ARL8B: variants seen among roughly 807,000 people sequenced by gnomAD.
The protein encoded by ARL8B is ARF like GTPase 8B, also known as ADP-ribosylation factor-like protein 8B.
A neutral mutation model predicts 30.6 loss-of-function variants in ARL8B; 9 were observed. That is an observed-to-expected ratio of 0.29 (90% CI 0.18 to 0.51). The LOEUF (loss-of-function observed/expected upper bound fraction) is 0.51. ARL8B is among the 20% of genes least tolerant of loss of function. The probability of loss-of-function intolerance (pLI) is 0.97; values close to 1 mark genes in which losing one functional copy is unlikely to be tolerated. For synonymous variants in ARL8B, 74 were observed against 76.0 expected, an observed-to-expected ratio of 0.97 and a Z score of 0.14; for missense variants, 130 against 227.2, an observed-to-expected ratio of 0.57 and a Z score of 2.75.
At chr3:5,130,917 C>T (rs531296198) in intron 1 of ARL8B, among the ~76,000 whole-genome samples, 1 of 152,168 alleles carries the variant, frequency 6.6e-6, no homozygotes, top group Non-Finnish European at 1.5e-5. Context: ...CCTGCCTTTT[C>T]TTCGCTCTTT....
At chr3:5,123,144 C>G (rs1053205333) in intron 1 of ARL8B, among the ~76,000 whole-genome samples, 1 of 152,152 alleles carries the variant, frequency 6.6e-6, no homozygotes, top group East Asian at 1.9e-4. Flanking sequence ...TGTTTTCACC[C>G]GTCCCCCAGG....
intron 1 of ARL8B, among the ~76,000 whole-genome samples, chr3:5,147,570 T>C (rs1352723977): frequency 1.3e-5 from 2 of 152,190 alleles, no homozygotes; most frequent in African/African-American, 4.8e-5. Flanking sequence ...TATCATTCCC[T>C]TCTCTCCTTT....
chr3:5,166,940 C>T (rs1462131298), intron 1 of ARL8B, among the ~76,000 whole-genome samples: 4 of 152,106 alleles, frequency 2.6e-5, no homozygotes, highest in Admixed American at 2.0e-4. Flanking sequence ...TTTAAATGAA[C>T]GGCCTATGAA....
chr3:5,142,011 T>C (rs1023049889), intron 1 of ARL8B, among the ~76,000 whole-genome samples: 3 of 152,182 alleles, frequency 2.0e-5, no homozygotes, highest in African/African-American at 7.2e-5. Flanking sequence ...TGAGTCAACA[T>C]ATATATTGAC....
chr3:5,157,218 T>A (rs1278096521), intron 1 of ARL8B, among the ~76,000 whole-genome samples: 2 of 152,228 alleles, frequency 1.3e-5, no homozygotes, highest in African/African-American at 4.8e-5. Flanking sequence ...GGTGGTGGTC[T>A]ACCTTATAGT....
chr3:5,131,806 G>GT (rs548845887), intron 1 of ARL8B, among the ~76,000 whole-genome samples: 31 of 152,202 alleles, frequency 2.0e-4, no homozygotes, highest in Admixed American at 4.6e-4. Context: ...TTTAACTTTG[G>GT]TTTTTGTCTT....
chr3:5,169,309 G>GTA (rs1167790721), intron 1 of ARL8B, among the ~76,000 whole-genome samples: 2 of 87,182 alleles, frequency 2.3e-5, no homozygotes, highest in African/African-American at 1.6e-4. Flanking sequence ...CAGTGTTTGT[G>GTA]TGTGTGTGTG....
chr3:5,150,029 G>GCTGTCCTAAA (rs2054465869), intron 1 of ARL8B, among the ~76,000 whole-genome samples: 1 of 152,178 alleles, frequency 6.6e-6, no homozygotes, highest in Non-Finnish European at 1.5e-5. Context: ...CTTGTTTTAG[G>GCTGTCCTAAA]ACAGTGTGTC....
chr3:5,122,838 C>G (rs906307841), intron 1 of ARL8B, among the ~76,000 whole-genome samples: 1 of 152,162 alleles, frequency 6.6e-6, no homozygotes, highest in Admixed American at 6.6e-5. Flanking sequence ...GCTGTGTCCT[C>G]AACGCCGCGG....
At position 5,152,182 on chromosome 3, in the gene ARL8B, G is replaced by A. The variant is rs564801373; in HGVS notation, c.124-18321G>A. On this transcript the variant is annotated intron_variant, in intron 1 of 6. Transcript: ENST00000256496. ...TTTCTCCCTATCAATTAACATGAGA[G>A]GAATGTTGAAATCTCTAATTATAAT... Among the ~76,000 whole-genome samples, 423 of 152,244 alleles carry A rather than the reference G, an allele frequency of 2.8e-3. 1 individual carries two copies. The highest frequency in any genetic ancestry group is 4.2e-3 in the Non-Finnish European group (288 of 68,014).
intron 1 of ARL8B, among the ~76,000 whole-genome samples, chr3:5,140,989 C>T (rs2054368623): frequency 6.6e-6 from 1 of 152,218 alleles, no homozygotes; most frequent in Non-Finnish European, 1.5e-5. Context: ...ACGCAAGTCC[C>T]TCCCCCAGCT....
rs1171747721 is a variant in ARL8B at position 5,129,205 on chromosome 3, G to A, written c.123+6617G>A. On this transcript the variant is annotated intron_variant, in intron 1 of 6. Coordinates refer to ENST00000256496, the MANE Select transcript of ARL8B (RefSeq NM_018184.3). ...TTTTTGTTTTTCCAGATAGAGTCTC[G>A]CTCTTGTTGCCCAGGCTGGAGTGCA... Among the ~76,000 whole-genome samples the A allele has an allele frequency of 4.0e-5, 6 of 151,836 alleles. No homozygotes were observed. The East Asian group carries it at 5.8e-4, about 15-fold the overall frequency.
chr3:5,178,350 C>CTTTTTTTTTTTTT (rs376669879), intron 6 of ARL8B, among the ~76,000 whole-genome samples: 1 of 115,294 alleles, frequency 8.7e-6, no homozygotes, highest in Non-Finnish European at 1.8e-5. Context: ...GGGGTTATTC[C>CTTTTTTTTTTTTT]TTTTTTTTTT....
intron 1 of ARL8B, among the ~76,000 whole-genome samples, chr3:5,141,881 T>A (rs554226590): frequency 1.4e-4 from 21 of 152,180 alleles, no homozygotes; most frequent in Non-Finnish European, 2.6e-4. Context: ...TTATAATAGA[T>A]GTAGTTAATC....
intron 1 of ARL8B, among the ~76,000 whole-genome samples, chr3:5,155,844 T>G (rs1395007625): frequency 9.4e-6 from 1 of 106,512 alleles, no homozygotes; most frequent in Non-Finnish European, 1.8e-5. Context: ...TTTCTCAGTG[T>G]TTTTTTTTTG....
intron 1 of ARL8B, among the ~76,000 whole-genome samples, chr3:5,161,998 A>C (rs570003037): frequency 6.6e-6 from 1 of 152,350 alleles, no homozygotes; most frequent in South Asian, 2.1e-4. Context: ...TTAAGGGTTT[A>C]TAAGACCGCA....
chr3:5,124,035 G>C (rs1182914590), intron 1 of ARL8B, among the ~76,000 whole-genome samples: 1 of 151,962 alleles, frequency 6.6e-6, no homozygotes, highest in Non-Finnish European at 1.5e-5. Context: ...CACCACGCCC[G>C]GCTAATTACT....
chr3:5,147,789 C>T (rs1308902678), intron 1 of ARL8B, among the ~76,000 whole-genome samples: 1 of 151,736 alleles, frequency 6.6e-6, no homozygotes, highest in Non-Finnish European at 1.5e-5. Flanking sequence ...CAAAGTTAGC[C>T]TTCAAAAGGC....
At chr3:5,155,852 T>C (rs1004556744) in intron 1 of ARL8B, among the ~76,000 whole-genome samples, 1 of 132,560 alleles carries the variant, frequency 7.5e-6, no homozygotes, top group African/African-American at 3.4e-5. Context: ...TGTTTTTTTT[T>C]TGTTGTTGTT....
Sources: allele counts gnomAD v4.1 joint callset (sites outside exome capture counted in the v4.1 genomes callset), GRCh38; gene constraint gnomAD v4.1.1; transcripts MANE v1.5; gene names NCBI Gene and HGNC (gene_info 2026-07-23, HGNC 2026-07-21).